The following ERI2 variants were observed in gnomAD, a reference collection of about 807,000 sequenced individuals.
The protein encoded by ERI2 is ERI1 exoribonuclease 2.
A neutral mutation model predicts 46.8 loss-of-function variants in ERI2; 35 were observed. The ratio of observed to expected loss-of-function variants is 0.75; its 90% confidence interval spans 0.57 to 0.99. The LOEUF is 0.99. Among genes scored for constraint, ERI2 ranks in the 50% least tolerant of loss-of-function variants. ERI2 has a pLI of 0.00. For synonymous variants in ERI2, 224 were observed against 271.0 expected (o/e 0.83, Z 1.70); for missense variants, 695 against 796.2 (o/e 0.87, Z 1.53).
downstream of ERI2, among the ~76,000 whole-genome samples, chr16:20,794,803 A>G (rs554088193): frequency 6.6e-6 from 1 of 152,318 alleles, no homozygotes; most frequent in South Asian, 2.1e-4. Context: ...AACTTGTCCA[A>G]CATTACACAA....
chr16:20,782,170 T>G (rs2080365903), intron 10 of ERI2, among the ~76,000 whole-genome samples: 1 of 152,210 alleles, frequency 6.6e-6, no homozygotes, highest in Admixed American at 6.5e-5. Flanking sequence ...GCTGATTCCA[T>G]TTGAAAGGGT....
rs2080770475 is a variant in ERI2 at position 20,799,259 on chromosome 16, T to TA, written c.732+3dup. 1.1e-5 allele frequency: 17 copies of TA among 1,613,288 alleles called. No homozygotes were observed. The highest frequency in any genetic ancestry group is 1.4e-5 in the Non-Finnish European group (17 of 1,179,622). ...ACAGAATAAAAAGGCAAGACACTAC[T>TA]AACCTTGTTCAACGACCTTGTAATT... On this transcript the variant is annotated splice_donor_region_variant and intron_variant, in intron 8 of 8. Coordinates refer to ENST00000357967, the MANE Select transcript of ERI2 (RefSeq NM_001142725.2).
intron 1 of ERI2, 102 bp from the exon 2 acceptor site, chr16:20,803,772 AT>A: frequency 1.4e-6 from 2 of 1,383,388 alleles, no homozygotes; most frequent in South Asian, 2.5e-5. Context: ...CTCATTATTT[AT>A]TGTGACTGAG....
chr16:20,788,481 T>A (rs893497654), intron 10 of ERI2, among the ~76,000 whole-genome samples: 1 of 152,148 alleles, frequency 6.6e-6, no homozygotes, highest in African/African-American at 2.4e-5. Context: ...AAAACAGTAC[T>A]TTTTCTGCAT....
chr16:20,791,380 G>C (rs2080593470), downstream of ERI2, among the ~76,000 whole-genome samples: 1 of 152,096 alleles, frequency 6.6e-6, no homozygotes, highest in Non-Finnish European at 1.5e-5. Flanking sequence ...TTTCCTACCA[G>C]CATTATCTAT....
In ERI2 at chr16:20,796,995, T is replaced by G. The variant is rs1344068081; in HGVS notation, c.*729A>C. On this transcript the variant is annotated 3_prime_UTR_variant, in exon 9 of 9. Transcript: ENST00000357967. Reference sequence around the variant, plus strand: ...TAAAGTTGTTTCATTAATTACCATATCTATAAAACAAACATAGTATCTGTC... The same window carrying G: ...TAAAGTTGTTTCATTAATTACCATAGCTATAAAACAAACATAGTATCTGTC... 6.2e-7 allele frequency: 1 copy of G among 1,606,742 alleles called. No homozygotes were observed. The highest frequency in any genetic ancestry group is 1.7e-4 in the Middle Eastern group (1 of 5,908).
At chr16:20,788,438 A>G (rs999153743) in intron 10 of ERI2, among the ~76,000 whole-genome samples, 1 of 152,172 alleles carries the variant, frequency 6.6e-6, no homozygotes, top group African/African-American at 2.4e-5. Context: ...TAGAGCAGCT[A>G]TCTTTGAATG....
rs1367388190 is a variant in ERI2, at chr16:20,797,897, CACA to C, written c.1900_1902del (p.Cys634del). 24 of 1,551,468 alleles carry C rather than the reference CACA, an allele frequency of 1.5e-5. No individual in the cohort carries two copies. Among genetic ancestry groups the C allele is most frequent in the African/African-American group, 4.1e-5 (3 of 73,024 alleles). ...AGTGTTTGTTCCCATTTGAAATAAC[CACA>C]ACATTTTCTGTTTTCTTGGTATTTC... On this transcript the variant is annotated inframe_deletion, in exon 9 of 9. Coordinates refer to ENST00000357967, the MANE Select transcript of ERI2 (RefSeq NM_001142725.2).
chr16:20,792,462 T>C (rs976727410), downstream of ERI2: 3 of 1,522,100 alleles, frequency 2.0e-6, no homozygotes, highest in Admixed American at 4.1e-5. Context: ...CAGATAGAAA[T>C]ATGCTAGTCA....
rs1302986187 is a variant in ERI2 at position 20,799,959 on chromosome 16, G to A, written c.641C>T (p.Ser214Phe). 6.3e-7 allele frequency: 1 copy of A among 1,583,554 alleles called. No individual in the cohort carries two copies. Among genetic ancestry groups the A allele is most frequent in the Non-Finnish European group, 8.6e-7 (1 of 1,156,128 alleles). ...VGIEFSGREHSGLDDSRNTAL... is the reference protein window; with the variant it reads ...VGIEFSGREHFGLDDSRNTAL... ...CATAATTTTTAATGTATACTAACCA[G>A]AATGTTCTCGTCCTGAGAATTCTAT... The change falls in exon 7 of 9, where the codon TCT (serine) becomes TTT (phenylalanine). Residue 214 changes from serine to phenylalanine, a missense_variant and splice_region_variant. Physicochemically the swap from Ser to Phe is radical, Grantham distance 155. Transcript: ENST00000357967.
rs1165321572 is a variant in ERI2, at chr16:20,799,016, G to C, written c.784C>G (p.Gln262Glu). ...TTACAGGCAGACATTTCTTCAACTT[G>C]AATTGTATTCAAATTTCTGGCCAGA... ...SILARNLNTI[Q>E]VEEMSACNIS... The change falls in exon 9 of 9, where the codon CAA becomes GAA. Residue 262 changes from glutamine to glutamate, a missense_variant. By Grantham distance (29) the Gln-to-Glu change is conservative. Coordinates refer to ENST00000357967, the MANE Select transcript of ERI2 (RefSeq NM_001142725.2). 15 of 1,528,354 alleles carry C rather than the reference G, an allele frequency of 9.8e-6. No homozygotes were observed. The highest frequency in any genetic ancestry group is 1.4e-5 in the African/African-American group (1 of 71,438). The allele number at this position is 1,528,354 out of a possible 1,614,324, so 94.7% of individuals were successfully genotyped here. A position where few individuals can be genotyped will look rare whatever the true frequency, so the allele number is the denominator to read the frequency against.
In ERI2 at chr16:20,801,116, A is replaced by G. The variant is rs573516683; in HGVS notation, c.460+87T>C. The G allele has an allele frequency of 2.5e-6, 3 of 1,201,570 alleles. No homozygotes were observed. In the East Asian group the frequency reaches 8.3e-5, roughly 33 times the overall value. 74.4% of individuals were successfully genotyped at this position (1,201,570 alleles called of 1,614,324 possible). On this transcript the variant is annotated intron_variant, in intron 5 of 8. Coordinates refer to ENST00000357967, the MANE Select transcript of ERI2 (RefSeq NM_001142725.2). Reference sequence around the variant, plus strand: ...CCAGAAGATTAACAAACATAATTCTAGGTTAGCAAGTATAAAACTAGAAAT... The same window carrying G: ...CCAGAAGATTAACAAACATAATTCTGGGTTAGCAAGTATAAAACTAGAAAT...
chr16:20,792,584 G>A (rs983378719), downstream of ERI2: 30 of 985,318 alleles, frequency 3.0e-5, no homozygotes, highest in East Asian at 2.0e-3. Context: ...TCCTTCCGTG[G>A]TGGACTAGGG....
downstream of ERI2, among the ~76,000 whole-genome samples, chr16:20,791,527 G>A (rs1163143957): frequency 6.6e-6 from 1 of 152,112 alleles, no homozygotes; most frequent in African/African-American, 2.4e-5. Flanking sequence ...TCTTCTGTCG[G>A]GCTAGCTCCA....
chr16:20,798,177 A>G lies in ERI2; in HGVS notation c.1623T>C (p.Ala541=). Residue 541 remains alanine (A), a synonymous_variant, in exon 9 of 9, where the codon GCT becomes GCC. Coordinates refer to ENST00000357967, the MANE Select transcript of ERI2 (RefSeq NM_001142725.2). ...GTKRNPCSPQ[A]FPPAKKQPFT... ...AGGGTTGTTTTTTTGCTGGTGGGAA[A>G]GCTTGGGGACTGCATGGATTCCTTT... The G allele has an allele frequency of 6.4e-7, 1 of 1,551,618 alleles. No homozygotes were observed. Among genetic ancestry groups the G allele is most frequent in the African/African-American group, 1.4e-5 (1 of 73,156 alleles).
intron 10 of ERI2, chr16:20,781,104 C>G: frequency 1.2e-6 from 2 of 1,613,940 alleles, no homozygotes; most frequent in Non-Finnish European, 1.7e-6. Flanking sequence ...CCATTTACCC[C>G]GTTTTGAGCC....
chr16:20,780,739 G>A (rs778037946), intron 10 of ERI2: 14 of 1,614,194 alleles, frequency 8.7e-6, no homozygotes, highest in Non-Finnish European at 1.1e-5. Context: ...CCACACCTGT[G>A]TGAAGACAAA....
chr16:20,792,545 T>C, downstream of ERI2: 3 of 985,428 alleles, frequency 3.0e-6, no homozygotes, highest in Non-Finnish European at 1.2e-6. Flanking sequence ...AAAATAAGGC[T>C]GAAAATACGT....
intron 7 of ERI2, 22 bp downstream of exon 7, chr16:20,799,931 TTACA>T (rs759890339): frequency 1.3e-5 from 18 of 1,387,966 alleles, no homozygotes; most frequent in Middle Eastern, 1.8e-4. Flanking sequence ...GTCAAATGGC[TTACA>T]TAATTTTTAA....
Sources: allele counts gnomAD v4.1 joint callset (sites outside exome capture counted in the v4.1 genomes callset), GRCh38; gene constraint gnomAD v4.1.1; transcripts MANE v1.5; gene names NCBI Gene and HGNC (gene_info 2026-07-23, HGNC 2026-07-21).